Variants in ONECUT1 observed in about 807,000 individuals in gnomAD.
ONECUT1 encodes the protein hepatocyte nuclear factor 6.
A neutral mutation model predicts 25.6 loss-of-function variants in ONECUT1; 12 were observed. The observed-to-expected ratio is 0.47, with a 90% CI of 0.30 to 0.76. The LOEUF (loss-of-function observed/expected upper bound fraction) is 0.76, where lower values mean the gene tolerates loss of function less well. Among genes scored for constraint, ONECUT1 ranks in the 30% least tolerant of loss-of-function variants. The pLI is 0.07. For synonymous variants in ONECUT1, 285 were observed against 270.2 expected, an observed-to-expected ratio of 1.05 and a Z score of -0.54; for missense variants, 620 against 651.2, an observed-to-expected ratio of 0.95 and a Z score of 0.52.
In ONECUT1 at chr15:52,789,747, G is replaced by C. The variant is rs2083906743; in HGVS notation, c.138C>G (p.Pro46=). Residue 46 remains proline, a synonymous_variant, in exon 1 of 2, where the codon CCC becomes CCG. Coordinates refer to ENST00000305901, the MANE Select transcript of ONECUT1 (RefSeq NM_004498.4). This position sits in a 1 kb window ranked among gnomAD's most constrained non-coding sequence, Gnocchi z 4.1. ...SSVAHRGSHL[P]PAHPRSMGMA... Reference sequence around the variant, plus strand: ...TGCCCATGGAGCGCGGGTGCGCGGGGGGCAGGTGGCTGCCGCGGTGCGCCA... The same window carrying C: ...TGCCCATGGAGCGCGGGTGCGCGGGCGGCAGGTGGCTGCCGCGGTGCGCCA... The C allele has an allele frequency of 7.1e-7, 1 of 1,410,820 alleles. No homozygotes were observed. The highest frequency in any genetic ancestry group is 9.1e-7 in the Non-Finnish European group (1 of 1,093,144). The allele number at this position is 1,410,820 out of a possible 1,614,324, so 87.4% of individuals were successfully genotyped here.
chr15:52,768,869 AAAAGCCCAAGATG>A (rs1278498622), intron 1 of ONECUT1, among the ~76,000 whole-genome samples: 1 of 152,210 alleles, frequency 6.6e-6, no homozygotes, highest in Non-Finnish European at 1.5e-5. Context: ...AGGGTCTCCC[AAAAGCCCAAGATG>A]AAAGCCCTTG....
chr15:52,780,039 T>C (rs2083830493), intron 1 of ONECUT1, among the ~76,000 whole-genome samples: 1 of 152,244 alleles, frequency 6.6e-6, no homozygotes. Context: ...TGGAGCTGTG[T>C]CCTTCAGGAA....
chr15:52,776,455 C>CA (rs2083801449), intron 1 of ONECUT1, among the ~76,000 whole-genome samples: 1 of 152,202 alleles, frequency 6.6e-6, no homozygotes, highest in South Asian at 2.1e-4. Context: ...CTGACAATGA[C>CA]ATATAATCAG....
intron 1 of ONECUT1, among the ~76,000 whole-genome samples, chr15:52,760,702 G>A (rs987784906): frequency 6.6e-6 from 1 of 152,128 alleles, no homozygotes; most frequent in Non-Finnish European, 1.5e-5. Flanking sequence ...CACACAAGAA[G>A]GAAAGGCTGT....
Position 52,788,743 on chromosome 15 carries a change from C to T in ONECUT1, c.1105+37G>A. On this transcript the variant is annotated intron_variant, in intron 1 of 1. Coordinates refer to ENST00000305901, the MANE Select transcript of ONECUT1 (RefSeq NM_004498.4). The surrounding 1 kb of genome is among the most constrained non-coding windows in gnomAD (Gnocchi z 4.3). ...TTTGGTCCCTTCGGCTTTCGTGTAC[C>T]TTATCTCCCGCGCGCCCAGCTCCTT... 2 of 1,577,388 alleles carry T rather than the reference C, an allele frequency of 1.3e-6. No individual in the cohort carries two copies. Among genetic ancestry groups the T allele is most frequent in the Non-Finnish European group, 1.7e-6 (2 of 1,163,014 alleles).
At chr15:52,760,346 G>T (rs190743398) in intron 1 of ONECUT1, among the ~76,000 whole-genome samples, 55 of 152,302 alleles carry the variant, frequency 3.6e-4, no homozygotes, top group African/African-American at 1.2e-3. Context: ...GTCAACTCCA[G>T]TTGGTTTGAG....
chr15:52,755,594 A>G lies in ONECUT1; in HGVS notation c.*1961T>C, dbSNP rs899349805. 6.6e-6 allele frequency among the ~76,000 whole-genome samples: 1 copy of G among 152,228 alleles called. No individual in the cohort carries two copies. Among genetic ancestry groups the G allele is most frequent in the Non-Finnish European group, 1.5e-5 (1 of 68,032 alleles). On this transcript the variant is annotated 3_prime_UTR_variant, in exon 2 of 2. Coordinates refer to ENST00000305901, the MANE Select transcript of ONECUT1 (RefSeq NM_004498.4). Reference sequence around the variant, plus strand: ...TTACCTCTCTAGTTGCCTGCCTGTTACAGACCTAGACAAGGTGCTGAGATT... The same window carrying G: ...TTACCTCTCTAGTTGCCTGCCTGTTGCAGACCTAGACAAGGTGCTGAGATT...
intron 1 of ONECUT1, among the ~76,000 whole-genome samples, chr15:52,768,044 T>TG (rs1262430475): frequency 6.6e-6 from 1 of 151,966 alleles, no homozygotes; most frequent in African/African-American, 2.4e-5. Context: ...GGAAGGGTAG[T>TG]GGGGAGTGGG....
In ONECUT1 at chr15:52,775,211, T is replaced by C. The variant is rs1370536303; in HGVS notation, c.1105+13569A>G. On this transcript the variant is annotated intron_variant, in intron 1 of 1. Coordinates refer to ENST00000305901, the MANE Select transcript of ONECUT1 (RefSeq NM_004498.4). Reference sequence around the variant, plus strand: ...TAAAAAAAAAAAAAAAGAGCTAGAATAAGCTAGAATAAGGGGACCACCACT... The same window carrying C: ...TAAAAAAAAAAAAAAAGAGCTAGAACAAGCTAGAATAAGGGGACCACCACT... Among the ~76,000 whole-genome samples the C allele has an allele frequency of 6.0e-5, 9 of 149,522 alleles. 1 individual carries two copies. The highest frequency in any genetic ancestry group is 1.3e-4 in the Non-Finnish European group (9 of 67,570).
intron 1 of ONECUT1, among the ~76,000 whole-genome samples, chr15:52,776,971 G>A (rs1402996323): frequency 6.6e-6 from 1 of 152,202 alleles, no homozygotes; most frequent in African/African-American, 2.4e-5. Context: ...TGGAACCTGA[G>A]GGTCTACAGT....
rs920506922 is a variant in ONECUT1 at position 52,775,506 on chromosome 15, T to C, written c.1105+13274A>G. Among the ~76,000 whole-genome samples, 8 of 149,570 alleles carry C rather than the reference T, an allele frequency of 5.3e-5. 1 individual carries two copies. The East Asian group carries it at 1.2e-3, about 22-fold the overall frequency. On this transcript the variant is annotated intron_variant, in intron 1 of 1. Coordinates refer to ENST00000305901, the MANE Select transcript of ONECUT1 (RefSeq NM_004498.4). ...ACACACACACACTCTTAAAGAGCCA[T>C]AGACTATCTCTTAAGAATATACAAG...
intron 1 of ONECUT1, among the ~76,000 whole-genome samples, chr15:52,765,949 A>T (rs370167463): frequency 1.1e-4 from 16 of 152,214 alleles, no homozygotes; most frequent in African/African-American, 3.6e-4. Flanking sequence ...TCCTGCACAG[A>T]TTGTCTGGAA....
chr15:52,780,580 G>A, intron 1 of ONECUT1: 3 of 1,534,196 alleles, frequency 2.0e-6, no homozygotes, highest in Admixed American at 2.0e-5. Flanking sequence ...ACATTTAATA[G>A]CAAAGATTAA....
Position 52,788,557 on chromosome 15 carries a change from T to G in ONECUT1, c.1105+223A>C. The stretch of plus-strand genomic sequence containing the variant: ...TCTTCAGTCGCCGAGGCCCGGCCGC[T>G]TAGCTCTCGGAGCCTTCCACAGCCC... On this transcript the variant is annotated intron_variant, in intron 1 of 1. Coordinates refer to ENST00000305901, the MANE Select transcript of ONECUT1 (RefSeq NM_004498.4). The surrounding 1 kb of genome is among the most constrained non-coding windows in gnomAD (Gnocchi z 4.3). The G allele has an allele frequency of 7.9e-6, 4 of 507,190 alleles. No homozygotes were observed. Among genetic ancestry groups the G allele is most frequent in the Non-Finnish European group, 6.9e-6 (2 of 288,902 alleles). 31.4% of individuals were successfully genotyped at this position (507,190 alleles called of 1,614,324 possible). A position where few individuals can be genotyped will look rare whatever the true frequency, so the allele number is the denominator to read the frequency against.
chr15:52,786,275 T>C (rs978511676), intron 1 of ONECUT1, among the ~76,000 whole-genome samples: 1 of 152,230 alleles, frequency 6.6e-6, no homozygotes, highest in Admixed American at 6.5e-5. Context: ...TAAAAATAGG[T>C]TGTGAAGAGA....
intron 1 of ONECUT1, chr15:52,780,969 T>C: frequency 9.9e-7 from 1 of 1,008,840 alleles, no homozygotes. Context: ...AGATGCCCTC[T>C]AGACAACTCC....
At chr15:52,759,579 G>A (rs1261842800) in intron 1 of ONECUT1, among the ~76,000 whole-genome samples, 4 of 152,084 alleles carry the variant, frequency 2.6e-5, no homozygotes, top group Non-Finnish European at 5.9e-5. Context: ...ACTATATTGT[G>A]CACATTATAA....
chr15:52,757,895 T>A, intron 1 of ONECUT1, 48 bp from the exon 2 acceptor site: 1 of 1,564,136 alleles, frequency 6.4e-7, no homozygotes, highest in African/African-American at 1.4e-5. Context: ...TAGGGGAGAA[T>A]CATGAGTAGA....
chr15:52,778,289 T>A (rs1258389802), intron 1 of ONECUT1, among the ~76,000 whole-genome samples: 2 of 152,364 alleles, frequency 1.3e-5, no homozygotes, highest in East Asian at 3.9e-4. Context: ...CTCATTTTTT[T>A]AAAAATAGTT....
Sources: allele counts gnomAD v4.1 joint callset (sites outside exome capture counted in the v4.1 genomes callset), GRCh38; gene constraint gnomAD v4.1.1; non-coding constraint Gnocchi (gnomAD v3.1); transcripts MANE v1.5; gene names NCBI Gene and HGNC (gene_info 2026-07-23, HGNC 2026-07-21).